The following ANK1 variants were observed in gnomAD, a reference collection of about 807,000 sequenced individuals.
ANK1 encodes the protein ankyrin-1.
Under a neutral mutation model 210.4 loss-of-function variants are expected in ANK1, and 51 were observed. The ratio of observed to expected loss-of-function variants is 0.24; its 90% confidence interval spans 0.19 to 0.31. The LOEUF (loss-of-function observed/expected upper bound fraction) is 0.31, where lower values mean the gene tolerates loss of function less well. ANK1 is among the 10% of genes least tolerant of loss of function. The pLI is 1.00. For synonymous variants in ANK1, 967 were observed against 1,025.9 expected (o/e 0.94, Z 1.10); for missense variants, 2,051 against 2,504.4 (o/e 0.82, Z 3.86).
intron 1 of ANK1, among the ~76,000 whole-genome samples, chr8:41,815,620 A>G (rs1273362255): frequency 6.6e-6 from 1 of 152,132 alleles, no homozygotes; most frequent in Admixed American, 6.5e-5. Flanking sequence ...CCTTATAACA[A>G]CTTACTTTCC....
rs550909634 is a variant in ANK1, at chr8:41,785,201, T to G, written c.27+12311A>C. On this transcript the variant is annotated intron_variant, in intron 1 of 42. Coordinates refer to ENST00000289734, the MANE Select transcript of ANK1 (RefSeq NM_000037.4). ...ATCAAGACCTCTTCTCTACAAAAAA[T>G]TTTTAAAAAATTAGCCAGGGGTGTG... Among the ~76,000 whole-genome samples, 3 of 152,112 alleles carry G rather than the reference T, an allele frequency of 2.0e-5. No individual in the cohort carries two copies. In the South Asian group the frequency reaches 6.3e-4, roughly 32 times the overall value.
chr8:41,852,706 C>G (rs768839232), intron 1 of ANK1, among the ~76,000 whole-genome samples: 1 of 152,212 alleles, frequency 6.6e-6, no homozygotes, highest in African/African-American at 2.4e-5. Context: ...CAGCTCACCA[C>G]GGTCCGATGA....
intron 1 of ANK1, among the ~76,000 whole-genome samples, chr8:41,845,212 C>A (rs1398494571): frequency 1.3e-5 from 2 of 152,100 alleles, no homozygotes; most frequent in African/African-American, 4.8e-5. Context: ...TGGTGAAACC[C>A]CGTCTCTACA....
chr8:41,770,060 C>A (rs879400532), intron 1 of ANK1, among the ~76,000 whole-genome samples: 3 of 138,942 alleles, frequency 2.2e-5, no homozygotes, highest in Non-Finnish European at 4.5e-5. Flanking sequence ...TGGCTCACTG[C>A]AACCCCCGCC....
Position 41,861,300 on chromosome 8 carries a change from G to A in ANK1, c.126+35055C>T, listed in dbSNP as rs576952446. Among the ~76,000 whole-genome samples the A allele has an allele frequency of 9.8e-5, 15 of 152,304 alleles. No homozygotes were observed. In the East Asian group the frequency reaches 2.9e-3, roughly 29 times the overall value. The stretch of plus-strand genomic sequence containing the variant: ...CTCCTGGAGAGTAGCATTTCCCATA[G>A]TGTGTTCTGTGGAAACGAGTTCTAC... On this transcript the variant is annotated intron_variant, in intron 1 of 42. Coordinates refer to the ANK1 transcript ENST00000265709.
At chr8:41,883,883 G>C (rs1289246960) in intron 1 of ANK1, among the ~76,000 whole-genome samples, 1 of 152,172 alleles carries the variant, frequency 6.6e-6, no homozygotes, top group Non-Finnish European at 1.5e-5. Flanking sequence ...CTGTTGTCGA[G>C]GGCAGGTTCT....
chr8:41,823,877 C>T (rs536551593), intron 1 of ANK1, among the ~76,000 whole-genome samples: 28 of 152,320 alleles, frequency 1.8e-4, no homozygotes, highest in African/African-American at 6.0e-4. Flanking sequence ...TGGCATTTAT[C>T]GTTCAAGACA....
At chr8:41,814,164 A>G in intron 1 of ANK1, among the ~76,000 whole-genome samples, 1 of 152,164 alleles carries the variant, frequency 6.6e-6, no homozygotes, top group Non-Finnish European at 1.5e-5. Flanking sequence ...GTTCAAGACC[A>G]GCCTGGCCAA....
chr8:41,654,771 G>C lies in ANK1; in HGVS notation c.*1019C>G, dbSNP rs905202932. Reference sequence around the variant, plus strand: ...ACTGTACAGTTTACACTTTGAACACGGACTATGATATAGTGCTTGAAGACA... The same window carrying C: ...ACTGTACAGTTTACACTTTGAACACCGACTATGATATAGTGCTTGAAGACA... On this transcript the variant is annotated 3_prime_UTR_variant, in exon 43 of 43. Coordinates refer to ENST00000289734, the MANE Select transcript of ANK1 (RefSeq NM_000037.4). 1 of 152,600 alleles carries C rather than the reference G, an allele frequency of 6.6e-6. No homozygotes were observed. Among genetic ancestry groups the C allele is most frequent in the African/African-American group, 2.4e-5 (1 of 41,412 alleles). 9.5% of individuals were successfully genotyped at this position (152,600 alleles called of 1,614,324 possible). A position where few individuals can be genotyped will look rare whatever the true frequency, so the allele number is the denominator to read the frequency against.
Position 41,727,124 on chromosome 8 carries a change from C to T in ANK1, c.426+126G>A, listed in dbSNP as rs566032473. 47 of 758,274 alleles carry T rather than the reference C, an allele frequency of 6.2e-5. 1 individual carries two copies. Among genetic ancestry groups the T allele is most frequent in the African/African-American group, 3.3e-4 (19 of 58,230 alleles). The allele number at this position is 758,274 out of a possible 1,614,324, so 47.0% of individuals were successfully genotyped here. The stretch of plus-strand genomic sequence containing the variant: ...CTGACAGCACTCTGGATTAGTGCAG[C>T]GACCTGAAGGTCATCCATCATGACA... On this transcript the variant is annotated intron_variant, in intron 5 of 42. Coordinates refer to ENST00000289734, the MANE Select transcript of ANK1 (RefSeq NM_000037.4).
chr8:41,752,428 T>C (rs1157948373), intron 2 of ANK1, among the ~76,000 whole-genome samples: 2 of 152,202 alleles, frequency 1.3e-5, no homozygotes, highest in African/African-American at 4.8e-5. Context: ...GAAGGCTGAA[T>C]GACTTCCAAA....
intron 3 of ANK1, among the ~76,000 whole-genome samples, chr8:41,733,323 C>T (rs1832679302): frequency 1.3e-5 from 2 of 152,178 alleles, no homozygotes; most frequent in South Asian, 4.1e-4. Flanking sequence ...GGAAGACTTG[C>T]TGGAGAAGGA....
intron 1 of ANK1, among the ~76,000 whole-genome samples, chr8:41,870,943 G>A (rs1000218230): frequency 1.3e-5 from 2 of 152,090 alleles, no homozygotes; most frequent in Non-Finnish European, 2.9e-5. Flanking sequence ...GAATGGGCAC[G>A]GGGACTGTCT....
intron 18 of ANK1, 58 bp downstream of exon 18, chr8:41,706,085 A>G: frequency 1.3e-6 from 2 of 1,514,514 alleles, no homozygotes; most frequent in East Asian, 2.2e-5. Flanking sequence ...TGGAAGATTC[A>G]ATTCTGAAGT....
Position 41,672,372 on chromosome 8 carries a change from G to A in ANK1, c.5078C>T (p.Thr1693Met), listed in dbSNP as rs567116417. Residue 1693 changes from threonine (T) to methionine (M), a missense_variant, in exon 38 of 43, where the codon ACG becomes ATG. Transcript: ENST00000289734. ...ITHSPTVSQV[T>M]ERSQDRLQDW... ...CTCTTACCTGTCCTGACTCCTCTCC[G>A]TCACCTGACTCACGGTGGGGGAATG... 97 of 1,614,156 alleles carry A rather than the reference G, an allele frequency of 6.0e-5. No individual in the cohort carries two copies. Among genetic ancestry groups the A allele is most frequent in the South Asian group, 1.1e-4 (10 of 91,080 alleles).
intron 15 of ANK1, 34 bp downstream of exon 15, chr8:41,714,942 G>T: frequency 6.2e-7 from 1 of 1,603,152 alleles, no homozygotes; most frequent in South Asian, 1.1e-5. Flanking sequence ...CCTCTAACCT[G>T]AGAGCTGCAG....
intron 36 of ANK1, 130 bp downstream of exon 36, chr8:41,686,022 G>C: frequency 7.0e-7 from 1 of 1,429,662 alleles, no homozygotes; most frequent in Non-Finnish European, 9.8e-7. Flanking sequence ...CGAGTGGTGC[G>C]TGAGTGTGTG....
chr8:41,756,769 G>C (rs80352772), intron 2 of ANK1, among the ~76,000 whole-genome samples: 47,725 of 152,136 alleles, frequency 0.31, 7,979 homozygotes, highest in Middle Eastern at 0.4. Context: ...ACAGGGGCAG[G>C]ATGGATAGGG....
At position 41,699,526 on chromosome 8, in the gene ANK1, C is replaced by T; in HGVS notation, c.2484G>A (p.Lys828=). ...CATCCCTGGAATCCCGCCTCTCAGC[C>T]TTGAAGCTGATGAGTTCTTCCCCTG... ...EDEGEELISF[K]AERRDSRDVD... is the part of the protein sequence containing the mutation. The change falls in exon 23 of 43, where the codon AAG becomes AAA. Residue 828 remains lysine (K), a synonymous_variant. Coordinates refer to ENST00000289734, the MANE Select transcript of ANK1 (RefSeq NM_000037.4). 1 of 1,614,180 alleles carries T rather than the reference C, an allele frequency of 6.2e-7. No individual in the cohort carries two copies. The highest frequency in any genetic ancestry group is 8.5e-7 in the Non-Finnish European group (1 of 1,180,040).
Sources: allele counts gnomAD v4.1 joint callset (sites outside exome capture counted in the v4.1 genomes callset), GRCh38; gene constraint gnomAD v4.1.1; transcripts MANE v1.5; gene names NCBI Gene and HGNC (gene_info 2026-07-23, HGNC 2026-07-21).